Variants in ADCY2 observed in about 807,000 individuals in gnomAD.
The protein encoded by ADCY2 is adenylate cyclase type 2.
ADCY2 carries 31 observed loss-of-function variants against 125.2 expected under a neutral mutation model. The ratio of observed to expected loss-of-function variants is 0.25; its 90% CI spans 0.19 to 0.33. ADCY2 has a LOEUF of 0.33. Ranked by LOEUF, ADCY2 falls within the 10% of genes least tolerant of loss-of-function variation. The probability of loss-of-function intolerance (pLI) is 1.00; values close to 1 mark genes in which losing one functional copy is unlikely to be tolerated. For missense variants in ADCY2, 904 were observed against 1,418.2 expected, an observed-to-expected ratio of 0.64 and a Z score of 5.82; for synonymous variants, 512 against 548.4, an observed-to-expected ratio of 0.93 and a Z score of 0.93.
In ADCY2 at chr5:7,828,852, C is replaced by T. The variant is rs1745562479; in HGVS notation, c.*1981C>T. 1 of 152,316 alleles carries T rather than the reference C, an allele frequency of 6.6e-6. No individual in the cohort carries two copies. Among genetic ancestry groups the T allele is most frequent in the Non-Finnish European group, 1.5e-5 (1 of 68,044 alleles). 9.4% of individuals were successfully genotyped at this position (152,316 alleles called of 1,614,324 possible). A position where few individuals can be genotyped will look rare whatever the true frequency, so the allele number is the denominator to read the frequency against. On this transcript the variant is annotated 3_prime_UTR_variant, in exon 25 of 25. Transcript: ENST00000338316. ...CTCTGTTACATCCTGCTACACTCATCCGCAGGTCACCTTAGTTCACCTACC... is the reference window on the plus strand; with the variant it reads ...CTCTGTTACATCCTGCTACACTCATTCGCAGGTCACCTTAGTTCACCTACC...
chr5:7,555,216 C>T (rs757821352), intron 3 of ADCY2, among the ~76,000 whole-genome samples: 4 of 152,130 alleles, frequency 2.6e-5, no homozygotes, highest in South Asian at 2.1e-4. Flanking sequence ...AAAGTTTCAT[C>T]CTACAGGGAG....
chr5:7,603,420 T>C (rs1737279519), intron 3 of ADCY2, among the ~76,000 whole-genome samples: 1 of 152,228 alleles, frequency 6.6e-6, no homozygotes, highest in East Asian at 1.9e-4. Flanking sequence ...TCTCCTCGAA[T>C]GCCAGAATTG....
Position 7,826,934 on chromosome 5 carries a change from T to C in ADCY2, c.*63T>C. ...AGGAAGGTATCACACACTTTCTGACTGCAACTTCTGTCCCTTGTTTTTGAT... is the reference window on the plus strand; with the variant it reads ...AGGAAGGTATCACACACTTTCTGACCGCAACTTCTGTCCCTTGTTTTTGAT... On this transcript the variant is annotated 3_prime_UTR_variant, in exon 25 of 25. Coordinates refer to ENST00000338316, the MANE Select transcript of ADCY2 (RefSeq NM_020546.3). 1.3e-6 allele frequency: 2 copies of C among 1,535,966 alleles called. No homozygotes were observed. Among genetic ancestry groups the C allele is most frequent in the South Asian group, 1.3e-5 (1 of 78,146 alleles).
At chr5:7,742,793 TAGC>T (rs1407844469) in intron 14 of ADCY2, among the ~76,000 whole-genome samples, 46 of 152,164 alleles carry the variant, frequency 3.0e-4, no homozygotes, top group Non-Finnish European at 5.1e-4. Flanking sequence ...CTCCTCTTCT[TAGC>T]CAAATCCTCT....
chr5:7,475,644 A>G (rs1274952716), intron 2 of ADCY2, among the ~76,000 whole-genome samples: 1 of 152,126 alleles, frequency 6.6e-6, no homozygotes, highest in Non-Finnish European at 1.5e-5. Context: ...GGCCTCCCAA[A>G]GTGTTAGGAT....
At chr5:7,782,118 C>G (rs6555498) in intron 18 of ADCY2, 162,669 of 166,988 alleles carry the variant, frequency 0.97, 79,375 homozygotes, top group East Asian at 1. Flanking sequence ...GTGGGCTGCT[C>G]GTGCCTCGTG....
rs80200361 is a variant in ADCY2, at chr5:7,719,619, C to G, written c.1703+2382C>G. Among the ~76,000 whole-genome samples, 489 of 152,330 alleles carry G rather than the reference C, an allele frequency of 3.2e-3. 6 individuals are homozygous for G. Among genetic ancestry groups the G allele is most frequent in the Middle Eastern group, 0.01 (3 of 294 alleles). The stretch of plus-strand genomic sequence containing the variant: ...TGAACACGCATTTGTTAAAAGACGA[C>G]TGATGTCACCATCTGCTCAGTCTTT... On this transcript the variant is annotated intron_variant, in intron 12 of 24. Coordinates refer to ENST00000338316, the MANE Select transcript of ADCY2 (RefSeq NM_020546.3).
chr5:7,634,314 A>G (rs1465611904), intron 4 of ADCY2, among the ~76,000 whole-genome samples: 1 of 152,198 alleles, frequency 6.6e-6, no homozygotes, highest in Non-Finnish European at 1.5e-5. Flanking sequence ...GGACTCATGA[A>G]CTTTAGGGTT....
At chr5:7,403,609 A>G (rs1561005918) in intron 1 of ADCY2, among the ~76,000 whole-genome samples, 1 of 152,188 alleles carries the variant, frequency 6.6e-6, no homozygotes, top group Admixed American at 6.5e-5. Context: ...ATTTCTTTCT[A>G]TATGCTCAAC....
chr5:7,812,121 C>T (rs1351015384), intron 22 of ADCY2, among the ~76,000 whole-genome samples: 1 of 152,132 alleles, frequency 6.6e-6, no homozygotes. Flanking sequence ...CCGTCCCTGC[C>T]AGTGTCATAG....
At chr5:7,533,642 C>T (rs1734721997) in intron 3 of ADCY2, among the ~76,000 whole-genome samples, 1 of 152,046 alleles carries the variant, frequency 6.6e-6, no homozygotes, top group South Asian at 2.1e-4. Flanking sequence ...GTCTGATGAG[C>T]TCATTATCAT....
At chr5:7,446,542 ATAC>A (rs1172488497) in intron 2 of ADCY2, among the ~76,000 whole-genome samples, 1 of 124,788 alleles carries the variant, frequency 8.0e-6, no homozygotes, top group Non-Finnish European at 1.7e-5. Flanking sequence ...AAATAAATAC[ATAC>A]ATACATACAT....
chr5:7,692,511 T>C (rs919290038), intron 5 of ADCY2, among the ~76,000 whole-genome samples: 1 of 152,226 alleles, frequency 6.6e-6, no homozygotes, highest in Non-Finnish European at 1.5e-5. Context: ...AAATACTGGC[T>C]TGCCTTCAGG....
In ADCY2 at chr5:7,629,018, C is replaced by A. The variant is rs955377166; in HGVS notation, c.720+2702C>A. ...CTGCTCACCCTGCACCACAAACCAC[C>A]TTTCGCTTCATCCACAGTCACTGTG... On this transcript the variant is annotated intron_variant, in intron 4 of 24. Coordinates refer to ENST00000338316, the MANE Select transcript of ADCY2 (RefSeq NM_020546.3). Among the ~76,000 whole-genome samples the A allele has an allele frequency of 3.9e-5, 6 of 152,328 alleles. No homozygotes were observed. In the South Asian group the frequency reaches 1.2e-3, roughly 32 times the overall value.
Position 7,635,338 on chromosome 5 carries a change from C to T in ADCY2, c.720+9022C>T, listed in dbSNP as rs569132858. 8.5e-5 allele frequency among the ~76,000 whole-genome samples: 13 copies of T among 152,230 alleles called. No individual in the cohort carries two copies. The South Asian group carries it at 2.3e-3, about 27-fold the overall frequency. ...CTATGGCAGCAGTACAGGCTGGATA[C>T]AGGAATAGCTTGGGTGAGAGTGGAC... is the stretch of plus-strand genomic sequence containing the variant. On this transcript the variant is annotated intron_variant, in intron 4 of 24. Transcript: ENST00000338316.
chr5:7,698,444 G>A (rs1740964174), intron 7 of ADCY2, 70 bp downstream of exon 7: 3 of 1,518,424 alleles, frequency 2.0e-6, no homozygotes, highest in African/African-American at 2.7e-5. Context: ...ACAACGTGCA[G>A]GTTTGTTACA....
At chr5:7,747,391 T>G (rs374801210) in intron 15 of ADCY2, among the ~76,000 whole-genome samples, 1 of 152,240 alleles carries the variant, frequency 6.6e-6, no homozygotes, top group East Asian at 1.9e-4. Context: ...GTAGCATTTT[T>G]ATGGGGTCCT....
chr5:7,411,772 A>G (rs1010445426), intron 1 of ADCY2, among the ~76,000 whole-genome samples: 5 of 152,168 alleles, frequency 3.3e-5, no homozygotes, highest in African/African-American at 1.2e-4. Context: ...GTTGACAGAG[A>G]GATCCTTTAA....
Position 7,621,884 on chromosome 5 carries a change from G to T in ADCY2, c.571-4283G>T, listed in dbSNP as rs189644391. Among the ~76,000 whole-genome samples the T allele has an allele frequency of 2.6e-4, 40 of 152,274 alleles. No individual in the cohort carries two copies. The East Asian group carries it at 5.2e-3, about 20-fold the overall frequency. ...GAGGATATGTGGGCGTGTGGGCACG[G>T]TTCCACTTACACAGATTCCAGACCC... On this transcript the variant is annotated intron_variant, in intron 3 of 24. Coordinates refer to ENST00000338316, the MANE Select transcript of ADCY2 (RefSeq NM_020546.3).
Sources: allele counts gnomAD v4.1 joint callset (sites outside exome capture counted in the v4.1 genomes callset), GRCh38; gene constraint gnomAD v4.1.1; transcripts MANE v1.5; gene names NCBI Gene and HGNC (gene_info 2026-07-23, HGNC 2026-07-21).